Variants in PTPRT observed in about 807,000 individuals in gnomAD.
PTPRT encodes receptor-type tyrosine-protein phosphatase T.
PTPRT carries 56 observed loss-of-function variants against 176.8 expected under a neutral mutation model. The observed-to-expected ratio is 0.32, with a 90% CI of 0.26 to 0.40. The LOEUF (loss-of-function observed/expected upper bound fraction) is 0.40. PTPRT is among the 10% of genes least tolerant of loss of function. PTPRT has a pLI of 1.00. For missense variants in PTPRT, 1,540 were observed against 1,908.2 expected (o/e 0.81, Z 3.60); for synonymous variants, 783 against 739.0 (o/e 1.06, Z -0.96).
At chr20:42,246,445 T>C (rs970984450) in intron 14 of PTPRT, among the ~76,000 whole-genome samples, 1 of 152,156 alleles carries the variant, frequency 6.6e-6, no homozygotes, top group Non-Finnish European at 1.5e-5. Context: ...TTTTGCCTCC[T>C]GGGGAGAAAT....
intron 7 of PTPRT, among the ~76,000 whole-genome samples, chr20:42,593,716 G>A (rs1262593214): frequency 2.0e-5 from 3 of 152,126 alleles, no homozygotes; most frequent in East Asian, 1.9e-4. Flanking sequence ...TGGCAGTCCC[G>A]ATTGCACAAA....
rs78102119 is a variant in PTPRT at position 42,837,129 on chromosome 20, G to A, written c.215-45663C>T. On this transcript the variant is annotated intron_variant, in intron 2 of 30. Transcript: ENST00000373187. ...GGAGAACAAGGCCCAAAGCAGGGAC[G>A]TGGGCGTCCCACAGTCATACAGGAG... 2.9e-3 allele frequency among the ~76,000 whole-genome samples: 437 copies of A among 152,320 alleles called. 11 individuals are homozygous for A. In the East Asian group the frequency reaches 0.06, roughly 21 times the overall value.
chr20:42,248,303 C>T (rs1344669558), intron 14 of PTPRT, among the ~76,000 whole-genome samples: 2 of 152,202 alleles, frequency 1.3e-5, no homozygotes, highest in Non-Finnish European at 2.9e-5. Context: ...ACATTACTTT[C>T]CTGCAACTGC....
intron 19 of PTPRT, among the ~76,000 whole-genome samples, chr20:42,122,215 T>C (rs1987626895): frequency 6.6e-6 from 1 of 152,254 alleles, no homozygotes; most frequent in African/African-American, 2.4e-5. Flanking sequence ...CATAGTGTTG[T>C]TGACCAGATT....
intron 7 of PTPRT, among the ~76,000 whole-genome samples, chr20:42,518,029 A>G (rs1364088863): frequency 2.0e-5 from 3 of 151,966 alleles, no homozygotes; most frequent in Non-Finnish European, 1.5e-5. Flanking sequence ...ATATATTAAT[A>G]TTGCTTATAA....
chr20:42,809,811 T>G (rs567962687), intron 2 of PTPRT, among the ~76,000 whole-genome samples: 1 of 152,246 alleles, frequency 6.6e-6, no homozygotes, highest in South Asian at 2.1e-4. Flanking sequence ...CAGGATAACC[T>G]CCTCTTGAGA....
At chr20:43,073,478 T>TAC (rs372231055) in intron 1 of PTPRT, among the ~76,000 whole-genome samples, 11,765 of 96,668 alleles carry the variant, frequency 0.12, 512 homozygotes, top group South Asian at 0.23. Flanking sequence ...AATATATATA[T>TAC]ATACACACAC....
chr20:42,721,329 T>C (rs1208057438), intron 6 of PTPRT, among the ~76,000 whole-genome samples: 1 of 152,160 alleles, frequency 6.6e-6, no homozygotes. Flanking sequence ...GATGGTGAAC[T>C]GGAGATGAGA....
At chr20:42,211,114 T>C (rs1398320233) in intron 15 of PTPRT, among the ~76,000 whole-genome samples, 1 of 152,134 alleles carries the variant, frequency 6.6e-6, no homozygotes, top group East Asian at 1.9e-4. Flanking sequence ...TGAAACTGGA[T>C]CCCTTCCTTA....
At chr20:42,277,554 G>C (rs1251498146) in intron 13 of PTPRT, among the ~76,000 whole-genome samples, 2 of 152,204 alleles carry the variant, frequency 1.3e-5, no homozygotes, top group African/African-American at 4.8e-5. Flanking sequence ...TTTTCTGAAA[G>C]GAGAAATGGT....
chr20:42,204,228 A>G (rs905727009), intron 15 of PTPRT, among the ~76,000 whole-genome samples: 1 of 151,750 alleles, frequency 6.6e-6, no homozygotes, highest in Non-Finnish European at 1.5e-5. Flanking sequence ...GAATTAACAA[A>G]ATATTCATGG....
chr20:42,087,263 C>T (rs1984065730), intron 27 of PTPRT, among the ~76,000 whole-genome samples: 1 of 151,954 alleles, frequency 6.6e-6, no homozygotes, highest in Non-Finnish European at 1.5e-5. Flanking sequence ...CGGAGTCTCA[C>T]TCTGTTACCT....
intron 9 of PTPRT, among the ~76,000 whole-genome samples, chr20:42,391,863 A>G (rs968556851): frequency 1.3e-5 from 2 of 152,212 alleles, no homozygotes; most frequent in African/African-American, 2.4e-5. Context: ...TGCCGAGCAT[A>G]AGCAAGTTAA....
chr20:42,056,469 T>A, the PTPRT span, among the ~76,000 whole-genome samples: 1 of 152,250 alleles, frequency 6.6e-6, no homozygotes, highest in Non-Finnish European at 1.5e-5. Context: ...TATCCCTGCA[T>A]CCTTTATTCA....
At chr20:42,037,457 C>A in the PTPRT span, among the ~76,000 whole-genome samples, 1 of 152,182 alleles carries the variant, frequency 6.6e-6, no homozygotes, top group East Asian at 1.9e-4. Context: ...TTAAGATCCC[C>A]TTTCCTGCTC....
rs150790538 is a variant in PTPRT, at chr20:42,998,972, C to A, written c.89-113040G>T. On this transcript the variant is annotated intron_variant, in intron 1 of 30. Transcript: ENST00000373187. ...TACAGCCACCCACTACTTCTCCAAC[C>A]ATTTCCCGTAATAAATCAATTCCAG... Among the ~76,000 whole-genome samples the A allele has an allele frequency of 1.0e-3, 159 of 152,332 alleles. 1 individual carries two copies. The highest frequency in any genetic ancestry group is 3.7e-3 in the African/African-American group (155 of 41,568).
At chr20:42,900,756 TC>T (rs1282263457) in intron 1 of PTPRT, among the ~76,000 whole-genome samples, 1 of 152,132 alleles carries the variant, frequency 6.6e-6, no homozygotes, top group African/African-American at 2.4e-5. Flanking sequence ...TTGGAACATG[TC>T]CGGGGTCCAG....
At chr20:42,537,415 T>C (rs527885882) in intron 7 of PTPRT, among the ~76,000 whole-genome samples, 1 of 152,340 alleles carries the variant, frequency 6.6e-6, no homozygotes, top group Non-Finnish European at 1.5e-5. Flanking sequence ...TCATTTTCTT[T>C]CAAATAAAAT....
chr20:42,048,275 G>T, the PTPRT span, among the ~76,000 whole-genome samples: 1 of 152,168 alleles, frequency 6.6e-6, no homozygotes, highest in South Asian at 2.1e-4. Flanking sequence ...TCAGAAGCTG[G>T]CTCTGTTGTT....
Sources: allele counts gnomAD v4.1 joint callset (sites outside exome capture counted in the v4.1 genomes callset), GRCh38; gene constraint gnomAD v4.1.1; transcripts MANE v1.5; gene names NCBI Gene and HGNC (gene_info 2026-07-23, HGNC 2026-07-21).